Variants in ANXA13 observed in about 807,000 individuals in gnomAD.
ANXA13 encodes annexin A13.
Under a neutral mutation model 46.6 loss-of-function variants are expected in ANXA13, and 36 were observed. The observed-to-expected ratio is 0.77, with a 90% CI of 0.59 to 1.02. The LOEUF is 1.02. Ranked by LOEUF, ANXA13 falls within the 50% of genes least tolerant of loss-of-function variation. ANXA13 has a pLI of 0.00. For missense variants in ANXA13, 417 were observed against 396.5 expected (o/e 1.05, Z -0.44); for synonymous variants, 163 against 152.9 (o/e 1.07, Z -0.49).
chr8:123,698,602 G>A (rs1365025349), intron 3 of ANXA13, 43 bp from the exon 4 acceptor site: 2 of 1,599,566 alleles, frequency 1.3e-6, no homozygotes, highest in Non-Finnish European at 1.7e-6. Context: ...TGGCCCAGGA[G>A]GAGAGGGGCA....
intron 8 of ANXA13, among the ~76,000 whole-genome samples, chr8:123,692,654 C>T (rs1292675726): frequency 1.3e-5 from 2 of 152,208 alleles, no homozygotes; most frequent in Non-Finnish European, 2.9e-5. Context: ...GTAATAGTAG[C>T]AAACATTAGT....
intron 1 of ANXA13, among the ~76,000 whole-genome samples, chr8:123,734,025 C>T (rs887771300): frequency 1.5e-4 from 23 of 152,354 alleles, no homozygotes; most frequent in South Asian, 2.1e-4. Context: ...CAAGTGCCCA[C>T]GCAATGTGGA....
At position 123,695,726 on chromosome 8, in the gene ANXA13, G is replaced by T; in HGVS notation, c.358-5C>A. 1.2e-6 allele frequency: 2 copies of T among 1,611,852 alleles called. No individual in the cohort carries two copies. Among genetic ancestry groups the T allele is most frequent in the Non-Finnish European group, 1.7e-6 (2 of 1,178,360 alleles). ...CTCTTTAATGGCGATGATTTCCTAG[G>T]GAAGGTAATTTACAAAAAAATCAAT... is the stretch of plus-strand genomic sequence containing the variant. On this transcript the variant is annotated splice_region_variant and splice_polypyrimidine_tract_variant and intron_variant, in intron 4 of 10. Transcript: ENST00000419625.
intron 6 of ANXA13, among the ~76,000 whole-genome samples, chr8:123,693,991 CTTT>C (rs375293398): frequency 6.9e-6 from 1 of 144,052 alleles, no homozygotes. Flanking sequence ...TTGGTTTTGC[CTTT>C]TTTTTTTTTT....
At chr8:123,705,768 A>G (rs570787266) in intron 2 of ANXA13, among the ~76,000 whole-genome samples, 1 of 152,192 alleles carries the variant, frequency 6.6e-6, no homozygotes, top group African/African-American at 2.4e-5. Context: ...GGTTGAGAGT[A>G]GGAAAAATCT....
intron 1 of ANXA13, among the ~76,000 whole-genome samples, chr8:123,714,756 G>A (rs1208824226): frequency 6.6e-6 from 1 of 152,194 alleles, no homozygotes; most frequent in Non-Finnish European, 1.5e-5. Flanking sequence ...ATCTGTTCCT[G>A]AAACAAGCCA....
At chr8:123,712,171 G>A (rs1813673111) in intron 2 of ANXA13, 1 of 162,524 alleles carries the variant, frequency 6.2e-6, no homozygotes, top group Non-Finnish European at 1.4e-5. Context: ...TGAGTCTCAC[G>A]AGATCAGATG....
rs546733897 is a variant in ANXA13 at position 123,703,661 on chromosome 8, A to G, written c.92-925T>C. On this transcript the variant is annotated intron_variant, in intron 2 of 10. Transcript: ENST00000419625. Reference sequence around the variant, plus strand: ...ATACATTTGTTAATCTCAGGAGAGAAGTCTTGATTGAAACCATGAAGGGAG... The same window carrying G: ...ATACATTTGTTAATCTCAGGAGAGAGGTCTTGATTGAAACCATGAAGGGAG... Among the ~76,000 whole-genome samples the G allele has an allele frequency of 4.6e-5, 7 of 152,320 alleles. No individual in the cohort carries two copies. The East Asian group carries it at 1.3e-3, about 29-fold the overall frequency.
rs1347606581 is a variant in ANXA13, at chr8:123,681,482, G to C, written c.832-123C>G. 6 of 910,090 alleles carry C rather than the reference G, an allele frequency of 6.6e-6. No individual in the cohort carries two copies. In the African/African-American group the frequency reaches 1.0e-4, roughly 15 times the overall value. 56.4% of individuals were successfully genotyped at this position (910,090 alleles called of 1,614,324 possible). On this transcript the variant is annotated intron_variant, in intron 10 of 10. Transcript: ENST00000419625. ...ATGCCTTAAAACAGCCCTTGAGATA[G>C]GGCTTTATTTCCTATCATTATTTCC...
chr8:123,692,873 C>T (rs1375985051), intron 8 of ANXA13, among the ~76,000 whole-genome samples: 3 of 151,894 alleles, frequency 2.0e-5, no homozygotes, highest in Admixed American at 6.6e-5. Flanking sequence ...GCTTCCCTGG[C>T]GTCTGTTGTG....
At position 123,708,029 on chromosome 8, in the gene ANXA13, C is replaced by CG. The variant is rs1223551387; in HGVS notation, c.91+4648dup. On this transcript the variant is annotated intron_variant, in intron 2 of 10. Transcript: ENST00000419625. ...TTTGAGTCCAGGTCTCAGGTTGATC[C>CG]GGGGGGTGTTTCTACTACCCAGTCA... Among the ~76,000 whole-genome samples the CG allele has an allele frequency of 1.1e-4, 17 of 151,992 alleles. 1 individual carries two copies. Among genetic ancestry groups the CG allele is most frequent in the Non-Finnish European group, 8.8e-5 (6 of 68,012 alleles).
At chr8:123,701,754 T>C (rs76705386) in intron 3 of ANXA13, among the ~76,000 whole-genome samples, 11,605 of 41,654 alleles carry the variant, frequency 0.28, 720 homozygotes, top group African/African-American at 0.36. Context: ...CCTGGTTCTC[T>C]TTTTTTTTTT....
At chr8:123,699,762 C>T (rs936352776) in intron 3 of ANXA13, among the ~76,000 whole-genome samples, 1 of 152,176 alleles carries the variant, frequency 6.6e-6, no homozygotes, top group African/African-American at 2.4e-5. Flanking sequence ...AGCTCCCCAG[C>T]AGTGTGGCAT....
At chr8:123,735,701 C>T in intron 1 of ANXA13, 1 of 1,534,774 alleles carries the variant, frequency 6.5e-7, no homozygotes, top group South Asian at 1.3e-5. Flanking sequence ...CATATTGGCC[C>T]CATGACAGAG....
Position 123,688,895 on chromosome 8 carries a change from A to G in ANXA13, c.694T>C (p.Leu232=). ...EAIEEETSGD[L]QKAYLTLVRC... ...CCGAGAGTTAAATAGGCCTTCTGCA[A>G]GTCGCCTGATGTTTCTTCTTCAATG... Residue 232 remains leucine (L), a synonymous_variant, in exon 9 of 11, where the codon TTG becomes CTG. Coordinates refer to ENST00000419625, the MANE Select transcript of ANXA13 (RefSeq NM_004306.4). 6.2e-7 allele frequency: 1 copy of G among 1,613,880 alleles called. No individual in the cohort carries two copies. The highest frequency in any genetic ancestry group is 1.1e-5 in the South Asian group (1 of 91,070).
intron 2 of ANXA13, among the ~76,000 whole-genome samples, chr8:123,711,105 G>C (rs988765489): frequency 6.6e-6 from 1 of 152,116 alleles, no homozygotes; most frequent in Non-Finnish European, 1.5e-5. Context: ...GCAGTCTTCT[G>C]TTGGTCGTCT....
At chr8:123,718,577 T>C (rs1813801567) in intron 1 of ANXA13, among the ~76,000 whole-genome samples, 1 of 152,202 alleles carries the variant, frequency 6.6e-6, no homozygotes, top group South Asian at 2.1e-4. Flanking sequence ...GTCAGCTCTA[T>C]GAAAGGCACT....
chr8:123,696,571 C>A (rs1371148498), intron 4 of ANXA13, among the ~76,000 whole-genome samples: 2 of 152,164 alleles, frequency 1.3e-5, no homozygotes, highest in Non-Finnish European at 2.9e-5. Flanking sequence ...CCCCCCACCA[C>A]CAAGCTGGTT....
At chr8:123,725,121 T>G (rs1190415470) in intron 1 of ANXA13, among the ~76,000 whole-genome samples, 1 of 152,242 alleles carries the variant, frequency 6.6e-6, no homozygotes, top group Non-Finnish European at 1.5e-5. Flanking sequence ...TTTCATTTAG[T>G]TATCTATATT....
Sources: allele counts gnomAD v4.1 joint callset (sites outside exome capture counted in the v4.1 genomes callset), GRCh38; gene constraint gnomAD v4.1.1; transcripts MANE v1.5; gene names NCBI Gene and HGNC (gene_info 2026-07-23, HGNC 2026-07-21).